HIVEP3: variants seen among roughly 807,000 people sequenced by gnomAD.
HIVEP3 encodes the protein HIVEP zinc finger 3, also known as transcription factor HIVEP3.
HIVEP3 carries 49 observed loss-of-function variants against 152.8 expected under a neutral mutation model. The observed-to-expected ratio is 0.32, with a 90% CI of 0.26 to 0.41. HIVEP3 has a LOEUF of 0.41. Among genes scored for constraint, HIVEP3 ranks in the 10% least tolerant of loss-of-function variants. The pLI is 1.00. For synonymous variants in HIVEP3, 1,269 were observed against 1,289.0 expected (o/e 0.98, Z 0.33); for missense variants, 2,790 against 3,103.3 (o/e 0.90, Z 2.40).
chr1:41,834,127 G>A (rs1459702608), intron 1 of HIVEP3, among the ~76,000 whole-genome samples: 3 of 152,158 alleles, frequency 2.0e-5, no homozygotes, highest in African/African-American at 4.8e-5. Context: ...CCTGGGGCTG[G>A]GTCTAGCATA....
intron 1 of HIVEP3, among the ~76,000 whole-genome samples, chr1:42,030,996 C>A (rs1404237397): frequency 1.3e-5 from 2 of 152,174 alleles, no homozygotes; most frequent in Non-Finnish European, 2.9e-5. Context: ...TGTCTAGATG[C>A]AGAAAAACCT....
intron 6 of HIVEP3, among the ~76,000 whole-genome samples, chr1:41,521,849 T>C (rs560041584): frequency 6.6e-6 from 1 of 152,362 alleles, no homozygotes; most frequent in East Asian, 1.9e-4. Flanking sequence ...CCTGAGGCGA[T>C]CGGTGCAAGG....
intron 1 of HIVEP3, among the ~76,000 whole-genome samples, chr1:41,868,841 G>A (rs934015445): frequency 5.3e-5 from 8 of 152,186 alleles, no homozygotes; most frequent in Admixed American, 3.9e-4. Flanking sequence ...CACTTATTTC[G>A]TAAGACTGTT....
intron 1 of HIVEP3, among the ~76,000 whole-genome samples, chr1:41,703,152 G>T (rs1172407865): frequency 6.6e-6 from 1 of 152,204 alleles, no homozygotes; most frequent in Non-Finnish European, 1.5e-5. Flanking sequence ...GCTTGACAAA[G>T]GACATACAGC....
At chr1:41,801,918 C>T (rs1432949802) in intron 1 of HIVEP3, among the ~76,000 whole-genome samples, 1 of 152,124 alleles carries the variant, frequency 6.6e-6, no homozygotes, top group Admixed American at 6.5e-5. Flanking sequence ...GGATCTGAAG[C>T]TGGTATGTCA....
intron 1 of HIVEP3, among the ~76,000 whole-genome samples, chr1:41,952,565 T>C (rs1251170156): frequency 2.0e-5 from 3 of 152,180 alleles, no homozygotes. Context: ...AGCCTTGACA[T>C]TCCCAGTTGC....
At chr1:41,515,255 A>C (rs1642570481) in intron 7 of HIVEP3, among the ~76,000 whole-genome samples, 2 of 152,212 alleles carry the variant, frequency 1.3e-5, no homozygotes, top group Non-Finnish European at 2.9e-5. Flanking sequence ...GAAAGCCCGG[A>C]ACTAGCACTT....
chr1:41,961,769 T>A (rs549463242), intron 1 of HIVEP3, among the ~76,000 whole-genome samples: 52 of 152,394 alleles, frequency 3.4e-4, no homozygotes, highest in African/African-American at 1.2e-3. Context: ...AATAGGATAC[T>A]TCTTAACTTG....
At chr1:41,771,049 T>C (rs1007472217) in intron 1 of HIVEP3, among the ~76,000 whole-genome samples, 1 of 151,944 alleles carries the variant, frequency 6.6e-6, no homozygotes, top group Non-Finnish European at 1.5e-5. Flanking sequence ...AGTACATAAA[T>C]AGATATCCAG....
chr1:41,801,872 G>A (rs548175633), intron 1 of HIVEP3, among the ~76,000 whole-genome samples: 22 of 152,300 alleles, frequency 1.4e-4, no homozygotes, highest in South Asian at 6.2e-4. Context: ...AAGGGCCTTC[G>A]TTGCTTTGAC....
intron 3 of HIVEP3, among the ~76,000 whole-genome samples, chr1:41,598,825 A>ATTTATTTATTTAT (rs759358685): frequency 2.0e-5 from 3 of 151,454 alleles, no homozygotes; most frequent in East Asian, 1.9e-4. Context: ...TTATTTATTT[A>ATTTATTTATTTAT]TTTATTTAGG....
chr1:41,788,425 AC>A (rs1268242168), intron 1 of HIVEP3, among the ~76,000 whole-genome samples: 1 of 152,198 alleles, frequency 6.6e-6, no homozygotes, highest in East Asian at 1.9e-4. Context: ...TCAGCCAATG[AC>A]CCCTAGTAGA....
chr1:42,030,317 ATTC>A (rs1387903602), intron 1 of HIVEP3, among the ~76,000 whole-genome samples: 1 of 152,140 alleles, frequency 6.6e-6, no homozygotes, highest in Non-Finnish European at 1.5e-5. Context: ...GCCCAAGACA[ATTC>A]TTCTTCTAAT....
intron 1 of HIVEP3, among the ~76,000 whole-genome samples, chr1:41,868,169 A>C (rs1467047781): frequency 6.8e-6 from 1 of 146,354 alleles, no homozygotes. Flanking sequence ...CATGAACACC[A>C]TCAGTAGTTA....
chr1:41,581,379 G>A lies in HIVEP3; in HGVS notation c.3419C>T (p.Pro1140Leu). The A allele has an allele frequency of 1.2e-6, 2 of 1,612,284 alleles. No individual in the cohort carries two copies. The highest frequency in any genetic ancestry group is 1.7e-5 in the Admixed American group (1 of 59,772). Residue 1140 changes from proline (P) to leucine (L), a missense_variant, in exon 4 of 9, where the codon CCC becomes CTC. Pro to Leu is a moderately conservative substitution (Grantham distance 98). This residue lies in a region of HIVEP3 where 1,078 missense variants were observed against 1,165.3 expected (regional missense o/e 0.93). Coordinates refer to ENST00000372583, the MANE Select transcript of HIVEP3 (RefSeq NM_024503.5). The surrounding 1 kb of genome is among the most constrained non-coding windows in gnomAD (Gnocchi z 4.5). ...QTPLHEKPYL[P>L]PPVSLFSFQH... Reference sequence around the variant, plus strand: ...GAAGGAGAAAAGGGAGACTGGTGGGGGCAGGTATGGCTTCTCATGCAGGGG... The same window carrying A: ...GAAGGAGAAAAGGGAGACTGGTGGGAGCAGGTATGGCTTCTCATGCAGGGG...
chr1:41,710,250 C>G (rs1403404752), intron 1 of HIVEP3, among the ~76,000 whole-genome samples: 1 of 152,162 alleles, frequency 6.6e-6, no homozygotes, highest in East Asian at 1.9e-4. Flanking sequence ...AAAATAGTCC[C>G]TGGGGGTCAT....
In HIVEP3 at chr1:41,510,749, G is replaced by A; in HGVS notation, c.6923C>T (p.Pro2308Leu). The A allele has an allele frequency of 1.3e-6, 2 of 1,579,786 alleles. No homozygotes were observed. The highest frequency in any genetic ancestry group is 8.6e-7 in the Non-Finnish European group (1 of 1,162,788). Residue 2308 changes from proline to leucine, a missense_variant, in exon 9 of 9, where the codon CCC (proline) becomes CTC (leucine). Coordinates refer to ENST00000372583, the MANE Select transcript of HIVEP3 (RefSeq NM_024503.5). The stretch of plus-strand genomic sequence containing the variant: ...GGGCAAGGTGTCGGGTGGGGTGCAG[G>A]GGCTGTGCGTGGGTGTGGGCTCTGC... ...APAEPTPTHSPCTPPDTLPRP... is the reference protein window; with the variant it reads ...APAEPTPTHSLCTPPDTLPRP...
intron 2 of HIVEP3, among the ~76,000 whole-genome samples, chr1:41,693,819 G>T (rs979183464): frequency 6.6e-6 from 1 of 152,160 alleles, no homozygotes; most frequent in African/African-American, 2.4e-5. Context: ...AGGAACTGAG[G>T]TAGGGAGCCA....
intron 1 of HIVEP3, among the ~76,000 whole-genome samples, chr1:41,730,316 T>C (rs1209410423): frequency 6.6e-6 from 1 of 152,188 alleles, no homozygotes; most frequent in Non-Finnish European, 1.5e-5. Flanking sequence ...CCCTCAAGCC[T>C]TGGTGTCCTC....
Sources: allele counts gnomAD v4.1 joint callset (sites outside exome capture counted in the v4.1 genomes callset), GRCh38; gene constraint gnomAD v4.1.1; regional missense constraint gnomAD v4.1.1; non-coding constraint Gnocchi (gnomAD v3.1); transcripts MANE v1.5; gene names NCBI Gene and HGNC (gene_info 2026-07-23, HGNC 2026-07-21).